Variants in TG observed in about 807,000 individuals in gnomAD.
TG encodes thyroglobulin, also known as thyroid hormones.
A neutral mutation model predicts 324.7 loss-of-function variants in TG; 270 were observed. That is an observed-to-expected ratio of 0.83 (90% confidence interval 0.75 to 0.92). The LOEUF is 0.92. TG is among the 40% of genes least tolerant of loss of function. The pLI, the probability that TG is intolerant of heterozygous loss-of-function variation, is 0.00. For synonymous variants in TG, 1,401 were observed against 1,327.0 expected, an observed-to-expected ratio of 1.06 and a Z score of -1.21; for missense variants, 3,591 against 3,456.4, an observed-to-expected ratio of 1.04 and a Z score of -0.98.
At chr8:133,062,792 T>G (rs1015641193) in intron 41 of TG, among the ~76,000 whole-genome samples, 11 of 152,078 alleles carry the variant, frequency 7.2e-5, no homozygotes, top group Non-Finnish European at 1.6e-4. Context: ...GCGTATGACA[T>G]GCAGAGGCTG....
At chr8:132,986,926 TAA>T in intron 35 of TG, among the ~76,000 whole-genome samples, 1 of 152,324 alleles carries the variant, frequency 6.6e-6, no homozygotes, top group Non-Finnish European at 1.5e-5. Context: ...AATTTATAGA[TAA>T]AGAGTGTTTT....
chr8:133,110,961 C>T (rs1023366865), intron 43 of TG, among the ~76,000 whole-genome samples: 3 of 152,214 alleles, frequency 2.0e-5, no homozygotes, highest in African/African-American at 7.2e-5. Context: ...GAGACAAAAA[C>T]AGGGCCCATA....
intron 8 of TG, among the ~76,000 whole-genome samples, chr8:132,883,488 A>G (rs1284064095): frequency 6.6e-6 from 1 of 152,166 alleles, no homozygotes; most frequent in Admixed American, 6.5e-5. Flanking sequence ...ACAGAATAAT[A>G]GGCATTGATA....
In TG at chr8:133,001,914, A is replaced by G. The variant is rs1833549710; in HGVS notation, c.6263-9987A>G. 3.0e-6 allele frequency: 3 copies of G among 985,296 alleles called. No individual in the cohort carries two copies. In the South Asian group the frequency reaches 1.4e-4, roughly 46 times the overall value. 61.0% of individuals were successfully genotyped at this position (985,296 alleles called of 1,614,324 possible). On this transcript the variant is annotated intron_variant, in intron 35 of 47. Transcript: ENST00000220616. ...AGCTATTCCATATTCAGGAGCAATC[A>G]CTTGATGAGTGCTGAGCAGCTGAAA... is the stretch of plus-strand genomic sequence containing the variant.
chr8:133,073,172 C>T (rs932468250), intron 41 of TG: 3 of 152,106 alleles, frequency 2.0e-5, no homozygotes, highest in African/African-American at 4.8e-5. Context: ...GGTGGCCGAC[C>T]CAGAATGTTG....
chr8:133,106,763 A>G (rs1296293462), intron 43 of TG, among the ~76,000 whole-genome samples: 4 of 152,160 alleles, frequency 2.6e-5, no homozygotes, highest in Non-Finnish European at 5.9e-5. Flanking sequence ...AGGACAGTCC[A>G]TATCACATAG....
At chr8:132,979,947 C>G (rs1830618983) in intron 34 of TG, among the ~76,000 whole-genome samples, 1 of 152,146 alleles carries the variant, frequency 6.6e-6, no homozygotes, top group Admixed American at 6.5e-5. Context: ...TTGGGGGTCT[C>G]CATGACCTCC....
intron 29 of TG, 90 bp from the exon 30 acceptor site, chr8:132,966,466 CTGTG>C (rs58797860): frequency 1.3e-4 from 125 of 973,678 alleles, no homozygotes; most frequent in Non-Finnish European, 1.6e-4. Flanking sequence ...GTCTCTCTCT[CTGTG>C]TGTGTGTGTG....
At chr8:132,909,004 C>T (rs1463996208) in intron 18 of TG, among the ~76,000 whole-genome samples, 2 of 152,112 alleles carry the variant, frequency 1.3e-5, no homozygotes, top group Non-Finnish European at 2.9e-5. Flanking sequence ...GTGAGCAGAG[C>T]AAAAGAGGGA....
At chr8:132,872,367 A>G (rs1839566732) in intron 4 of TG, among the ~76,000 whole-genome samples, 1 of 150,678 alleles carries the variant, frequency 6.6e-6, no homozygotes, top group Non-Finnish European at 1.5e-5. Context: ...AGTCCCAGCT[A>G]CTCGGGAGGC....
chr8:133,092,753 C>G (rs903751650), intron 41 of TG, among the ~76,000 whole-genome samples: 1 of 152,280 alleles, frequency 6.6e-6, no homozygotes, highest in Admixed American at 6.5e-5. Context: ...CCCCTCCTGC[C>G]CCCGAGTGCT....
chr8:132,925,518 T>TGTG (rs1338553079), intron 22 of TG, among the ~76,000 whole-genome samples: 1 of 141,152 alleles, frequency 7.1e-6, no homozygotes, highest in Non-Finnish European at 1.6e-5. Context: ...AAGGAGTGCG[T>TGTG]GTGTGTGTGT....
At chr8:132,988,100 ACACG>A (rs1564044539) in intron 35 of TG, among the ~76,000 whole-genome samples, 1 of 150,786 alleles carries the variant, frequency 6.6e-6, no homozygotes, top group Non-Finnish European at 1.5e-5. Context: ...ACACACACAC[ACACG>A]AAATGAAGCT....
intron 43 of TG, among the ~76,000 whole-genome samples, chr8:133,097,770 A>G (rs60111188): frequency 0.028 from 4,257 of 152,330 alleles, 217 homozygotes; most frequent in African/African-American, 0.097. Context: ...TGCTGTATAT[A>G]TATACACACA....
At chr8:133,102,295 C>T (rs1849357138) in intron 43 of TG, 1 of 425,936 alleles carries the variant, frequency 2.3e-6, no homozygotes. Context: ...TAAGTATCAG[C>T]TGGATCCCAG....
At chr8:133,024,318 CTTTCTTT>C (rs1835830886) in intron 40 of TG, among the ~76,000 whole-genome samples, 1 of 33,976 alleles carries the variant, frequency 2.9e-5, no homozygotes, top group African/African-American at 1.1e-4. Context: ...TTCTTTCTTT[CTTTCTTT>C]CTTTCTTTCT....
intron 45 of TG, among the ~76,000 whole-genome samples, chr8:133,131,079 T>A (rs1851911974): frequency 6.6e-6 from 1 of 152,176 alleles, no homozygotes; most frequent in Non-Finnish European, 1.5e-5. Context: ...TCCAGACCTC[T>A]CTTTGGGCAA....
At chr8:132,953,938 T>A (rs1199428360) in intron 27 of TG, among the ~76,000 whole-genome samples, 1 of 150,958 alleles carries the variant, frequency 6.6e-6, no homozygotes, top group Non-Finnish European at 1.5e-5. Context: ...GAAGTGCAAA[T>A]GAATGGAAAA....
intron 41 of TG, among the ~76,000 whole-genome samples, chr8:133,062,524 C>T (rs1172470248): frequency 6.6e-6 from 1 of 152,268 alleles, no homozygotes; most frequent in Non-Finnish European, 1.5e-5. Context: ...ATCCCACCCA[C>T]GTAGTGGGAG....
Sources: allele counts gnomAD v4.1 joint callset (sites outside exome capture counted in the v4.1 genomes callset), GRCh38; gene constraint gnomAD v4.1.1; transcripts MANE v1.5; gene names NCBI Gene and HGNC (gene_info 2026-07-23, HGNC 2026-07-21).